ADGRE2: variants seen among roughly 807,000 people sequenced by gnomAD.
The protein encoded by ADGRE2 is CD97 antigen.
In ADGRE2, 83 loss-of-function variants were observed where a neutral mutation model predicts 100.8. That is an observed-to-expected ratio of 0.82 (90% confidence interval 0.69 to 0.99). ADGRE2 has a LOEUF of 0.99. ADGRE2 is among the 50% of genes least tolerant of loss of function. The pLI is 0.00. For missense variants in ADGRE2, 814 were observed against 1,035.7 expected, an observed-to-expected ratio of 0.79 and a Z score of 2.94; for synonymous variants, 355 against 413.0, an observed-to-expected ratio of 0.86 and a Z score of 1.70.
At chr19:14,766,915 G>A (rs2044003320) in intron 6 of ADGRE2, 63 bp downstream of exon 6, 11 of 1,572,958 alleles carry the variant, frequency 7.0e-6, no homozygotes, top group Non-Finnish European at 9.5e-6. Flanking sequence ...TGCTTTGGAG[G>A]ACCTGACTCA....
At chr19:14,766,055 C>A (rs118058123) in intron 7 of ADGRE2, 180 bp downstream of exon 7, 32,529 of 1,331,468 alleles carry the variant, frequency 0.024, 205 homozygotes, top group Admixed American at 0.056. Flanking sequence ...GAGCCTCCCC[C>A]CTCAGTACCC....
In ADGRE2 at chr19:14,755,230, T is replaced by G. The variant is rs1284004797; in HGVS notation, c.1417-103A>C. On this transcript the variant is annotated intron_variant, in intron 13 of 20. Coordinates refer to ENST00000315576, the MANE Select transcript of ADGRE2 (RefSeq NM_013447.4). ...AGGTGGATCACTTGAGGTCAGGAGT[T>G]TGAGACCAGCCTGGCCAACATGGTG... The G allele has an allele frequency of 4.2e-6, 5 of 1,177,598 alleles. No homozygotes were observed. In the African/African-American group the frequency reaches 4.5e-5, roughly 11 times the overall value. 72.9% of individuals were successfully genotyped at this position (1,177,598 alleles called of 1,614,324 possible).
chr19:14,756,555 T>C (rs2524387), intron 11 of ADGRE2, among the ~76,000 whole-genome samples: 112,125 of 152,040 alleles, frequency 0.74, 41,744 homozygotes, highest in South Asian at 0.83. Flanking sequence ...ACCACTGAAA[T>C]CAACTCAAGA....
At chr19:14,730,473 TTTTC>T (rs1372670574), downstream of ADGRE2, among the ~76,000 whole-genome samples, 8 of 151,792 alleles carry the variant, frequency 5.3e-5, no homozygotes, top group Admixed American at 1.3e-4. Flanking sequence ...TCTTTCACTT[TTTTC>T]TTTTTCTTTC....
At chr19:14,765,236 C>G (rs2147411187) in intron 10 of ADGRE2, 84 bp downstream of exon 10, 4 of 1,466,016 alleles carry the variant, frequency 2.7e-6, no homozygotes, top group South Asian at 1.2e-5. Flanking sequence ...GGTCCTGTCC[C>G]CTCCCAGACC....
intron 20 of ADGRE2, among the ~76,000 whole-genome samples, chr19:14,737,425 C>T (rs112898227): frequency 0.012 from 1,827 of 152,042 alleles, 38 homozygotes; most frequent in African/African-American, 0.041. Flanking sequence ...AACTTCTGGG[C>T]TCAAGTGATC....
chr19:14,747,578 G>A (rs1295888559), intron 16 of ADGRE2, among the ~76,000 whole-genome samples: 1 of 152,124 alleles, frequency 6.6e-6, no homozygotes, highest in African/African-American at 2.4e-5. Flanking sequence ...GCCGAGGCGG[G>A]TGGATCATTT....
the ADGRE2 span, among the ~76,000 whole-genome samples, chr19:14,726,193 G>A: frequency 2.6e-5 from 4 of 152,198 alleles, no homozygotes; most frequent in East Asian, 1.9e-4. Context: ...TTGAGCCAAG[G>A]CTGGAGCCTT....
intron 16 of ADGRE2, among the ~76,000 whole-genome samples, chr19:14,749,742 G>T: frequency 7.9e-6 from 1 of 126,932 alleles, no homozygotes; most frequent in Non-Finnish European, 1.6e-5. Flanking sequence ...ATTATTCATA[G>T]TTACATAATT....
At chr19:14,737,594 C>G (rs1396910975) in intron 20 of ADGRE2, among the ~76,000 whole-genome samples, 1 of 152,086 alleles carries the variant, frequency 6.6e-6, no homozygotes, top group Non-Finnish European at 1.5e-5. Flanking sequence ...TGTTCTTTCT[C>G]AGAAGCCCCA....
intron 14 of ADGRE2, among the ~76,000 whole-genome samples, 153 bp downstream of exon 14, chr19:14,754,801 G>A (rs2147266213): frequency 6.6e-6 from 1 of 152,296 alleles, no homozygotes; most frequent in South Asian, 2.1e-4. Context: ...TTTCAGTCTT[G>A]TAAGACCCTG....
intron 5 of ADGRE2, among the ~76,000 whole-genome samples, chr19:14,770,803 T>A (rs570259716): frequency 6.6e-6 from 1 of 150,698 alleles, no homozygotes; most frequent in South Asian, 2.1e-4. Context: ...CTCAGCCTCC[T>A]GAGTAGCTGG....
intron 2 of ADGRE2, chr19:14,776,472 G>A (rs544184501): frequency 1.9e-6 from 1 of 534,104 alleles, no homozygotes; most frequent in Admixed American, 3.2e-5. Flanking sequence ...ACTGGCTCCA[G>A]TAGAAAGCTT....
Position 14,776,736 on chromosome 19 carries a change from G to A in ADGRE2, c.21C>T (p.Leu7=), listed in dbSNP as rs759568385. The change falls in exon 2 of 21, where the codon CTC becomes CTT. Residue 7 remains leucine (L), a synonymous_variant. Coordinates refer to ENST00000315576, the MANE Select transcript of ADGRE2 (RefSeq NM_013447.4). MGGRVF[L]VFLAFCVWLT... ...CCCCAAAGTACTTACCGAGAAAGACGAGAAAGACGCGGCCTCCCATGGTTC... is the reference window on the plus strand; with the variant it reads ...CCCCAAAGTACTTACCGAGAAAGACAAGAAAGACGCGGCCTCCCATGGTTC... 6.2e-7 allele frequency: 1 copy of A among 1,613,476 alleles called. No individual in the cohort carries two copies. The highest frequency in any genetic ancestry group is 1.1e-5 in the South Asian group (1 of 90,918).
intron 1 of ADGRE2, chr19:14,777,194 G>A (rs1483634744): frequency 3.2e-6 from 2 of 617,654 alleles, no homozygotes; most frequent in African/African-American, 2.0e-5. Flanking sequence ...GCTCTTCCCT[G>A]GGCAGGCACG....
intron 5 of ADGRE2, among the ~76,000 whole-genome samples, chr19:14,770,590 C>T (rs1179433682): frequency 2.0e-5 from 3 of 152,056 alleles, no homozygotes; most frequent in Non-Finnish European, 4.4e-5. Flanking sequence ...GAAAACCTCT[C>T]CATTCCCCAA....
chr19:14,743,787 G>A lies in ADGRE2; in HGVS notation c.2184-3C>T. 3 of 1,613,770 alleles carry A rather than the reference G, an allele frequency of 1.9e-6. No individual in the cohort carries two copies. The highest frequency in any genetic ancestry group is 1.7e-6 in the Non-Finnish European group (2 of 1,179,764). On this transcript the variant is annotated splice_polypyrimidine_tract_variant and splice_region_variant and intron_variant, in intron 18 of 20. Coordinates refer to ENST00000315576, the MANE Select transcript of ADGRE2 (RefSeq NM_013447.4). ...CTGTCGCTTTAAATGCCAGCATCCT[G>A]GATTGAGTAAGAAAGGAGGCTGGTG...
chr19:14,748,154 C>T (rs949872964), intron 16 of ADGRE2, among the ~76,000 whole-genome samples: 8 of 152,022 alleles, frequency 5.3e-5, no homozygotes, highest in South Asian at 2.1e-4. Context: ...AAGCAGGCTT[C>T]GGTGTCTGAA....
rs1258561680 is a variant in ADGRE2, at chr19:14,774,154, C to T, written c.83-100G>A. The T allele has an allele frequency of 2.6e-5, 39 of 1,515,384 alleles. 1 individual carries two copies. Among genetic ancestry groups the T allele is most frequent in the East Asian group, 4.5e-5 (2 of 44,052 alleles). The allele number at this position is 1,515,384 out of a possible 1,614,324, so 93.9% of individuals were successfully genotyped here. A position where few individuals can be genotyped will look rare whatever the true frequency, so the allele number is the denominator to read the frequency against. ...GGCAGAGCGCTGAGTTTCCCGTGCA[C>T]GAGCCCTCTCTTTCCCTGGGCTGAA... On this transcript the variant is annotated intron_variant, in intron 3 of 20. Coordinates refer to ENST00000315576, the MANE Select transcript of ADGRE2 (RefSeq NM_013447.4).
Sources: allele counts gnomAD v4.1 joint callset (sites outside exome capture counted in the v4.1 genomes callset), GRCh38; gene constraint gnomAD v4.1.1; transcripts MANE v1.5; gene names NCBI Gene and HGNC (gene_info 2026-07-23, HGNC 2026-07-21).